The following CENPI variants were observed in gnomAD, a reference collection of about 807,000 sequenced individuals.
The protein encoded by CENPI is FSH primary response 1.
CENPI carries 4 observed loss-of-function variants against 60.4 expected under a neutral mutation model. The observed-to-expected ratio is 0.07, with a 90% CI of 0.03 to 0.15. CENPI has a LOEUF of 0.15. Ranked by LOEUF, CENPI falls within the 10% of genes least tolerant of loss-of-function variation. CENPI has a pLI of 1.00. For missense variants in CENPI, 444 were observed against 534.5 expected (o/e 0.83, Z 1.67); for synonymous variants, 157 against 189.4 (o/e 0.83, Z 1.40).
At chrX:101,153,624 T>C (rs2090027502) in intron 20 of CENPI, among the ~76,000 whole-genome samples, 1 of 111,947 alleles carries the variant, frequency 8.9e-6, no homozygotes, top group African/African-American at 3.2e-5. Context: ...TGTGATTTTA[T>C]TATCAAGTTA....
intron 8 of CENPI, among the ~76,000 whole-genome samples, chrX:101,121,166 G>A (rs958631482): frequency 9.0e-6 from 1 of 111,274 alleles, no homozygotes; most frequent in Non-Finnish European, 1.9e-5. Flanking sequence ...GTAAGCCACC[G>A]CGCCTGGCCT....
At chrX:101,158,391 T>C (rs771673129) in intron 20 of CENPI, among the ~76,000 whole-genome samples, 1 of 105,516 alleles carries the variant, frequency 9.5e-6, no homozygotes, top group Non-Finnish European at 1.9e-5. Context: ...GATTCTCCTG[T>C]TTCAGCCTCC....
chrX:101,100,719 G>A lies in CENPI; in HGVS notation c.-13-339G>A, dbSNP rs191713049. ...ATTACAGGTGTGAGCCACCACGCCCGGCCGAGATGGATTAGTTTTGGACCC... is the reference window on the plus strand; with the variant it reads ...ATTACAGGTGTGAGCCACCACGCCCAGCCGAGATGGATTAGTTTTGGACCC... On this transcript the variant is annotated intron_variant, in intron 2 of 21. Coordinates refer to ENST00000682095, the MANE Select transcript of CENPI (RefSeq NM_001386188.2). 374 of 153,108 alleles carry A rather than the reference G, an allele frequency of 2.4e-3. 2 individuals carry two copies. Among genetic ancestry groups the A allele is most frequent in the African/African-American group, 7.8e-3 (255 of 32,643 alleles). 12.6% of individuals were successfully genotyped at this position (153,108 alleles called of 1,213,427 possible).
At chrX:101,146,670 G>A (rs193199727) in intron 18 of CENPI, among the ~76,000 whole-genome samples, 425 of 111,842 alleles carry the variant, frequency 3.8e-3, no homozygotes, top group Non-Finnish European at 5.8e-3. Flanking sequence ...ATATGAAACT[G>A]TAAGTATTAT....
At chrX:101,135,680 T>C (rs1213591696) in intron 15 of CENPI, among the ~76,000 whole-genome samples, 1 of 112,244 alleles carries the variant, frequency 8.9e-6, no homozygotes, top group Non-Finnish European at 1.9e-5. Context: ...TTTTTTTCCA[T>C]GGCACTTGAT....
chrX:101,168,726 G>T (rs907044302), downstream of CENPI, among the ~76,000 whole-genome samples: 1 of 111,630 alleles, frequency 9.0e-6, no homozygotes, highest in African/African-American at 3.3e-5. Context: ...ATCTAAATGG[G>T]GTCATTAGAG....
intron 4 of CENPI, among the ~76,000 whole-genome samples, chrX:101,103,325 T>G (rs189318881): frequency 2.4e-4 from 26 of 109,530 alleles, no homozygotes; most frequent in Admixed American, 1.9e-3. Context: ...TTGCTGTTAG[T>G]TTTTCCTTTT....
chrX:101,109,200 C>T (rs1160696075), intron 4 of CENPI, among the ~76,000 whole-genome samples: 2 of 105,939 alleles, frequency 1.9e-5, no homozygotes, highest in African/African-American at 6.9e-5. Flanking sequence ...CCTGCCTCAG[C>T]CTCCCGAGTA....
At chrX:101,144,064 T>G (rs2089939816) in intron 16 of CENPI, among the ~76,000 whole-genome samples, 1 of 108,486 alleles carries the variant, frequency 9.2e-6, no homozygotes, top group South Asian at 3.9e-4. Context: ...GTTTTCACAT[T>G]TTATCCTGAA....
chrX:101,151,859 A>G (rs1164834474), intron 20 of CENPI, among the ~76,000 whole-genome samples: 1 of 106,199 alleles, frequency 9.4e-6, no homozygotes, highest in East Asian at 2.9e-4. Context: ...AAAAAAAAAC[A>G]AGAACAACAA....
At position 101,163,204 on chromosome X, in the gene CENPI, C is replaced by T. The variant is rs772065145; in HGVS notation, c.*237C>T. 10 of 313,493 alleles carry T rather than the reference C, an allele frequency of 3.2e-5. No individual in the cohort carries two copies. The South Asian group carries it at 5.2e-4, about 16-fold the overall frequency. The allele number at this position is 313,493 out of a possible 1,213,427, so 25.8% of individuals were successfully genotyped here. On this transcript the variant is annotated 3_prime_UTR_variant, in exon 22 of 22. Transcript: ENST00000682095. ...ATGACCCCTTCATCATCAGGCTCTGCGTTCTACCAAATTGTATGTAAAAAG... is the reference window on the plus strand; with the variant it reads ...ATGACCCCTTCATCATCAGGCTCTGTGTTCTACCAAATTGTATGTAAAAAG...
the CENPI span, among the ~76,000 whole-genome samples, chrX:101,178,980 T>C: frequency 8.9e-6 from 1 of 112,530 alleles, no homozygotes; most frequent in African/African-American, 3.2e-5. Flanking sequence ...AGATAACTGA[T>C]TTGCATTTTA....
chrX:101,115,207 G>T (rs113333110), intron 6 of CENPI, among the ~76,000 whole-genome samples: 1 of 109,584 alleles, frequency 9.1e-6, no homozygotes, highest in Non-Finnish European at 1.9e-5. Flanking sequence ...CAGGTAATCC[G>T]CCCTCCTTGG....
Position 101,104,852 on chromosome X carries a change from G to GAA in CENPI, c.364+2455_364+2456dup, listed in dbSNP as rs58910115. On this transcript the variant is annotated intron_variant, in intron 4 of 21. Coordinates refer to ENST00000682095, the MANE Select transcript of CENPI (RefSeq NM_001386188.2). ...CCACAGAGCAAGACCCTGTCTCTGGGAAAAAAAAAAAAAAAGAAAAATTAA... is the reference window on the plus strand; with the variant it reads ...CCACAGAGCAAGACCCTGTCTCTGGGAAAAAAAAAAAAAAAAAGAAAAATTAA... Among the ~76,000 whole-genome samples, 138 of 88,991 alleles carry GAA rather than the reference G, an allele frequency of 1.6e-3. 1 individual carries two copies. Among genetic ancestry groups the GAA allele is most frequent in the African/African-American group, 5.4e-3 (129 of 24,105 alleles). 77.3% of individuals were successfully genotyped at this position (88,991 alleles called of 115,157 possible).
intron 8 of CENPI, among the ~76,000 whole-genome samples, chrX:101,125,579 G>C: frequency 9.0e-6 from 1 of 110,769 alleles, no homozygotes; most frequent in Non-Finnish European, 1.9e-5. Context: ...TGTATTTTTA[G>C]TAGAGATGGG....
downstream of CENPI, among the ~76,000 whole-genome samples, chrX:101,170,410 G>C (rs1281003490): frequency 9.0e-6 from 1 of 111,396 alleles, no homozygotes; most frequent in Non-Finnish European, 1.9e-5. Context: ...AGAGATGCGG[G>C]ACTACATAAA....
At chrX:101,118,315 G>A (rs968648803) in intron 6 of CENPI, among the ~76,000 whole-genome samples, 1 of 111,933 alleles carries the variant, frequency 8.9e-6, no homozygotes, top group African/African-American at 3.2e-5. Context: ...CCTGTTCCAT[G>A]TCCTGTGGTG....
At chrX:101,131,932 T>G (rs1450626589) in intron 13 of CENPI, among the ~76,000 whole-genome samples, 3 of 111,951 alleles carry the variant, frequency 2.7e-5, no homozygotes, top group Non-Finnish European at 5.6e-5. Flanking sequence ...TTCTATAACT[T>G]TTAACTTTCT....
Position 101,121,446 on chromosome X carries a change from A to G in CENPI, c.687+662A>G, listed in dbSNP as rs1253753705. On this transcript the variant is annotated intron_variant, in intron 8 of 21. Transcript: ENST00000682095. The stretch of plus-strand genomic sequence containing the variant: ...ACTGGGATTACAGGCGCCCACCACC[A>G]TGCCTGGCTAATTTTTTGTATTTTT... 9.1e-5 allele frequency among the ~76,000 whole-genome samples: 10 copies of G among 109,521 alleles called. 1 individual carries two copies. The highest frequency in any genetic ancestry group is 3.8e-5 in the Non-Finnish European group (2 of 52,648).
Sources: allele counts gnomAD v4.1 joint callset (sites outside exome capture counted in the v4.1 genomes callset), GRCh38; gene constraint gnomAD v4.1.1; transcripts MANE v1.5; gene names NCBI Gene and HGNC (gene_info 2026-07-23, HGNC 2026-07-21).